HOMER1: variants seen among roughly 807,000 people sequenced by gnomAD.
The protein encoded by HOMER1 is homer scaffold protein 1.
Under a neutral mutation model 48.9 loss-of-function variants are expected in HOMER1, and 3 were observed. The ratio of observed to expected loss-of-function variants is 0.06; its 90% CI spans 0.03 to 0.16. HOMER1 has a LOEUF of 0.16. Ranked by LOEUF, HOMER1 falls within the 10% of genes least tolerant of loss-of-function variation. HOMER1 has a pLI of 1.00. For missense variants in HOMER1, 247 were observed against 411.4 expected, an observed-to-expected ratio of 0.60 and a Z score of 3.46; for synonymous variants, 134 against 146.4, an observed-to-expected ratio of 0.92 and a Z score of 0.61.
At chr5:79,380,590 T>C (rs1748943678) in intron 8 of HOMER1, among the ~76,000 whole-genome samples, 1 of 152,202 alleles carries the variant, frequency 6.6e-6, no homozygotes, top group African/African-American at 2.4e-5. Flanking sequence ...AGAACAACAA[T>C]GTGAGCATTC....
intron 5 of HOMER1, among the ~76,000 whole-genome samples, chr5:79,410,474 A>G (rs1252311585): frequency 6.9e-6 from 1 of 145,976 alleles, no homozygotes; most frequent in African/African-American, 2.6e-5. Context: ...GGGTAACAAG[A>G]GTGAAACTCT....
chr5:79,441,580 T>C (rs1172921711), intron 4 of HOMER1, among the ~76,000 whole-genome samples: 1 of 152,194 alleles, frequency 6.6e-6, no homozygotes, highest in Non-Finnish European at 1.5e-5. Context: ...ATAGTTATCC[T>C]AGGTCATTAT....
intron 8 of HOMER1, among the ~76,000 whole-genome samples, chr5:79,386,531 A>T (rs1749114266): frequency 6.6e-6 from 1 of 152,202 alleles, no homozygotes; most frequent in African/African-American, 2.4e-5. Context: ...GTTAGATAGA[A>T]GAAGTAAGTT....
chr5:79,449,884 C>T (rs983996645), intron 3 of HOMER1, among the ~76,000 whole-genome samples: 3 of 151,832 alleles, frequency 2.0e-5, no homozygotes, highest in Admixed American at 1.3e-4. Flanking sequence ...CAAAAGATAA[C>T]AAAAACACTT....
chr5:79,454,391 T>C (rs1343193720), intron 2 of HOMER1, among the ~76,000 whole-genome samples: 2 of 152,112 alleles, frequency 1.3e-5, no homozygotes, highest in Non-Finnish European at 2.9e-5. Context: ...AGGAGGCACG[T>C]TATCTGTCGT....
At chr5:79,479,188 T>C (rs1751876819) in intron 1 of HOMER1, among the ~76,000 whole-genome samples, 1 of 152,208 alleles carries the variant, frequency 6.6e-6, no homozygotes, top group Non-Finnish European at 1.5e-5. Flanking sequence ...CTTTTAAATG[T>C]AGGACTGCAT....
In HOMER1 at chr5:79,376,074, C is replaced by A; in HGVS notation, c.1000G>T (p.Asp334Tyr). The A allele has an allele frequency of 6.2e-7, 1 of 1,613,360 alleles. No individual in the cohort carries two copies. The highest frequency in any genetic ancestry group is 8.5e-7 in the Non-Finnish European group (1 of 1,179,576). Reference sequence around the variant, plus strand: ...TCTGTTAGTTCAAATATCTTTCCATCCAGAATTTCTAAGAGTGTCTTCAGG... The same window carrying A: ...TCTGTTAGTTCAAATATCTTTCCATACAGAATTTCTAAGAGTGTCTTCAGG... ...NNLKTLLEILDGKIFELTELR... is the reference protein window; with the variant it reads ...NNLKTLLEILYGKIFELTELR... The change falls in exon 9 of 9, where the codon GAT becomes TAT. Residue 334 changes from aspartate to tyrosine, a missense_variant. Around this residue, in one of 4 missense-constraint regions of HOMER1, gnomAD observed 113 missense variants for 152.5 expected, o/e 0.74. Coordinates refer to ENST00000334082, the MANE Select transcript of HOMER1 (RefSeq NM_004272.5).
At chr5:79,474,689 TC>T (rs1174934730) in intron 1 of HOMER1, among the ~76,000 whole-genome samples, 1 of 152,226 alleles carries the variant, frequency 6.6e-6, no homozygotes, top group Non-Finnish European at 1.5e-5. Flanking sequence ...CATCTGTTCA[TC>T]TTTTTCTTTT....
chr5:79,394,041 G>T (rs936031122), intron 8 of HOMER1, among the ~76,000 whole-genome samples: 1 of 151,866 alleles, frequency 6.6e-6, no homozygotes, highest in Non-Finnish European at 1.5e-5. Context: ...TACATTTTTT[G>T]AAATTTTTCT....
intron 1 of HOMER1, among the ~76,000 whole-genome samples, chr5:79,464,720 C>T (rs938349097): frequency 6.6e-6 from 1 of 152,326 alleles, no homozygotes; most frequent in African/African-American, 2.4e-5. Context: ...TGTTTTGATG[C>T]TGCTCAGAGA....
At chr5:79,436,530 T>C (rs147208634) in intron 5 of HOMER1, among the ~76,000 whole-genome samples, 3 of 152,230 alleles carry the variant, frequency 2.0e-5, no homozygotes, top group African/African-American at 4.8e-5. Context: ...CTTTCAAACT[T>C]TGACATTTTA....
chr5:79,392,987 G>GAGAGAGAGA (rs1044159080), intron 8 of HOMER1, among the ~76,000 whole-genome samples: 2 of 138,602 alleles, frequency 1.4e-5, no homozygotes, highest in South Asian at 2.3e-4. Context: ...GAGAGAGAGA[G>GAGAGAGAGA]AAGAGAGCCA....
At chr5:79,379,248 A>ATCTATAATATATAT (rs1748885955) in intron 8 of HOMER1, among the ~76,000 whole-genome samples, 2 of 67,788 alleles carry the variant, frequency 3.0e-5, no homozygotes, top group Non-Finnish European at 5.5e-5. Context: ...TATATTATAT[A>ATCTATAATATATAT]TATCTATTAT....
intron 1 of HOMER1, among the ~76,000 whole-genome samples, chr5:79,496,486 G>A (rs1221851799): frequency 6.6e-6 from 1 of 152,158 alleles, no homozygotes; most frequent in African/African-American, 2.4e-5. Flanking sequence ...CATTGGAAGA[G>A]TCTCCTCTAA....
intron 8 of HOMER1, among the ~76,000 whole-genome samples, chr5:79,380,817 G>A (rs1052647098): frequency 2.6e-5 from 4 of 152,148 alleles, no homozygotes; most frequent in Non-Finnish European, 5.9e-5. Context: ...CTTCCTGGCT[G>A]CTACCACCAC....
At chr5:79,394,221 T>TA (rs1749321419) in intron 8 of HOMER1, among the ~76,000 whole-genome samples, 2 of 152,184 alleles carry the variant, frequency 1.3e-5, no homozygotes, top group Admixed American at 6.6e-5. Flanking sequence ...AATCCAACTC[T>TA]AAATACTGCA....
Position 79,386,065 on chromosome 5 carries a change from A to T in HOMER1, c.877-9868T>A, listed in dbSNP as rs950397918. ...AAAAACTATTTGAGATTTTTTTTTTAAAACTAAAAATAAAAAACTAACATA... is the reference window on the plus strand; with the variant it reads ...AAAAACTATTTGAGATTTTTTTTTTTAAACTAAAAATAAAAAACTAACATA... On this transcript the variant is annotated intron_variant, in intron 8 of 8. Transcript: ENST00000334082. Among the ~76,000 whole-genome samples the T allele has an allele frequency of 2.4e-4, 37 of 151,388 alleles. No homozygotes were observed. In the East Asian group the frequency reaches 2.9e-3, roughly 12 times the overall value.
At chr5:79,424,492 A>G (rs1458456417) in intron 5 of HOMER1, among the ~76,000 whole-genome samples, 4 of 152,182 alleles carry the variant, frequency 2.6e-5, no homozygotes, top group East Asian at 3.9e-4. Context: ...ATGTCTATTC[A>G]TAACTATGGG....
intron 1 of HOMER1, among the ~76,000 whole-genome samples, chr5:79,501,413 T>C (rs1302683802): frequency 6.6e-6 from 1 of 152,230 alleles, no homozygotes; most frequent in East Asian, 1.9e-4. Flanking sequence ...CTATTAGTAA[T>C]TAAGCTTTGG....
Sources: gnomAD v4.1 joint callset for allele counts (sites outside exome capture counted in the v4.1 genomes callset) on GRCh38, gnomAD v4.1.1 for gene constraint, gnomAD v4.1.1 regional missense constraint, MANE v1.5 for transcripts, NCBI Gene and HGNC (gene_info 2026-07-23, HGNC 2026-07-21) for gene names.